The following DSCAM variants were observed in gnomAD, a reference collection of about 807,000 sequenced individuals.
The protein encoded by DSCAM is cell adhesion molecule DSCAM.
A neutral mutation model predicts 217.7 loss-of-function variants in DSCAM; 47 were observed. That is an observed-to-expected ratio of 0.22 (90% confidence interval 0.17 to 0.28). DSCAM has a LOEUF of 0.28. Ranked by LOEUF, DSCAM falls within the 10% of genes least tolerant of loss-of-function variation. The pLI, the probability that DSCAM is intolerant of heterozygous loss-of-function variation, is 1.00. For missense variants in DSCAM, 2,080 were observed against 2,618.3 expected (o/e 0.79, Z 4.49); for synonymous variants, 1,056 against 1,015.3 (o/e 1.04, Z -0.76).
Position 40,623,678 on chromosome 21 carries a change from T to A in DSCAM, c.508+69132A>T, listed in dbSNP as rs570842371. On this transcript the variant is annotated intron_variant, in intron 3 of 32. Coordinates refer to ENST00000400454, the MANE Select transcript of DSCAM (RefSeq NM_001389.5). Reference sequence around the variant, plus strand: ...ACAAATCTGTGCAGAAGGGCTCACCTTTGAAAGAAAGGCCTCTACAAATTC... The same window carrying A: ...ACAAATCTGTGCAGAAGGGCTCACCATTGAAAGAAAGGCCTCTACAAATTC... Among the ~76,000 whole-genome samples the A allele has an allele frequency of 1.2e-3, 187 of 152,320 alleles. 3 individuals carry two copies. The Middle Eastern group carries it at 0.014, about 11-fold the overall frequency.
intron 9 of DSCAM, among the ~76,000 whole-genome samples, chr21:40,301,419 A>G (rs2074012650): frequency 1.3e-5 from 2 of 152,130 alleles, no homozygotes; most frequent in Admixed American, 1.3e-4. Context: ...CCCATCTATT[A>G]TCCAGTCCCC....
At chr21:40,321,559 C>G (rs934937500) in intron 8 of DSCAM, among the ~76,000 whole-genome samples, 2 of 151,596 alleles carry the variant, frequency 1.3e-5, no homozygotes. Flanking sequence ...TTTTTCCAAA[C>G]ACAGTACTAT....
chr21:40,375,680 T>C (rs1440915173), intron 3 of DSCAM, among the ~76,000 whole-genome samples: 1 of 152,242 alleles, frequency 6.6e-6, no homozygotes, highest in Non-Finnish European at 1.5e-5. Context: ...ACTCATTTTG[T>C]CTTGTTCAAC....
chr21:40,478,197 C>G (rs1027592080), intron 3 of DSCAM, among the ~76,000 whole-genome samples: 1 of 152,144 alleles, frequency 6.6e-6, no homozygotes. Flanking sequence ...TGTTCATTCT[C>G]ATTTCTTAGC....
At chr21:40,476,913 T>C (rs2145979026) in intron 3 of DSCAM, among the ~76,000 whole-genome samples, 1 of 152,348 alleles carries the variant, frequency 6.6e-6, no homozygotes, top group Non-Finnish European at 1.5e-5. Context: ...TTTCTCACCT[T>C]AGTCCTGTGA....
intron 11 of DSCAM, among the ~76,000 whole-genome samples, chr21:40,219,948 TC>T (rs771147961): frequency 3.3e-5 from 5 of 152,186 alleles, no homozygotes; most frequent in Non-Finnish European, 5.9e-5. Context: ...ATTCTATACT[TC>T]CATAAAAGAT....
chr21:40,484,921 C>G (rs541468891), intron 3 of DSCAM, among the ~76,000 whole-genome samples: 2 of 152,300 alleles, frequency 1.3e-5, no homozygotes, highest in East Asian at 3.9e-4. Context: ...CAGTCCCAGC[C>G]TGTAGCTTCC....
At chr21:40,124,465 C>G (rs1378583688) in intron 19 of DSCAM, 137 bp from the exon 20 acceptor site, 14 of 1,083,586 alleles carry the variant, frequency 1.3e-5, no homozygotes, top group Non-Finnish European at 1.7e-5. Flanking sequence ...CTGTGTCCCC[C>G]CAAATGCATA....
At chr21:40,578,118 C>G (rs1568917538) in intron 3 of DSCAM, among the ~76,000 whole-genome samples, 1 of 152,160 alleles carries the variant, frequency 6.6e-6, no homozygotes, top group African/African-American at 2.4e-5. Flanking sequence ...TATATAGGAA[C>G]AGAAGAACCC....
intron 3 of DSCAM, among the ~76,000 whole-genome samples, chr21:40,425,616 C>G (rs1171734518): frequency 7.9e-6 from 1 of 127,132 alleles, no homozygotes; most frequent in Non-Finnish European, 1.6e-5. Context: ...GAGGCTGATA[C>G]AGGAGAATCG....
intron 3 of DSCAM, among the ~76,000 whole-genome samples, chr21:40,442,403 T>G (rs2145915392): frequency 6.6e-6 from 1 of 151,550 alleles, no homozygotes; most frequent in South Asian, 2.1e-4. Flanking sequence ...TAAATTTAAT[T>G]TTTTTATATT....
chr21:40,251,861 T>A (rs1878282387), intron 11 of DSCAM, among the ~76,000 whole-genome samples: 2 of 152,100 alleles, frequency 1.3e-5, no homozygotes, highest in Admixed American at 6.6e-5. Context: ...TTCTTTTTTT[T>A]AAAACAAAAC....
intron 3 of DSCAM, among the ~76,000 whole-genome samples, chr21:40,555,930 T>C (rs757546598): frequency 6.6e-6 from 1 of 152,156 alleles, no homozygotes; most frequent in Non-Finnish European, 1.5e-5. Context: ...TGAGCCACCA[T>C]ATACAGCTCA....
intron 3 of DSCAM, among the ~76,000 whole-genome samples, chr21:40,425,973 A>T (rs1042431524): frequency 6.6e-6 from 1 of 152,212 alleles, no homozygotes; most frequent in African/African-American, 2.4e-5. Context: ...ATGAAGCTAA[A>T]CTTTTCAGTA....
intron 3 of DSCAM, among the ~76,000 whole-genome samples, chr21:40,526,256 T>C (rs1284458381): frequency 6.6e-6 from 1 of 152,180 alleles, no homozygotes; most frequent in Non-Finnish European, 1.5e-5. Flanking sequence ...CTCTGAGCAC[T>C]TTGCAGAACT....
chr21:40,664,204 C>T (rs749234929), intron 3 of DSCAM, among the ~76,000 whole-genome samples: 7 of 152,108 alleles, frequency 4.6e-5, no homozygotes, highest in Non-Finnish European at 7.3e-5. Flanking sequence ...CCACTGGCAT[C>T]GCATATATAT....
At chr21:40,184,049 CA>C (rs2090868021) in intron 14 of DSCAM, among the ~76,000 whole-genome samples, 1 of 152,054 alleles carries the variant, frequency 6.6e-6, no homozygotes, top group Admixed American at 6.5e-5. Context: ...CAGTGGGGTG[CA>C]GATAGTAAAT....
intron 2 of DSCAM, among the ~76,000 whole-genome samples, chr21:40,697,619 C>A (rs892375553): frequency 3.9e-5 from 6 of 152,114 alleles, no homozygotes. Context: ...GTTCATGGTA[C>A]CTTTGTCAAA....
chr21:40,799,994 T>C (rs1185212944), intron 1 of DSCAM, among the ~76,000 whole-genome samples: 2 of 152,142 alleles, frequency 1.3e-5, no homozygotes, highest in African/African-American at 4.8e-5. Flanking sequence ...AGGTAATCCA[T>C]TTATTGATTA....
Sources: gnomAD v4.1 joint callset for allele counts (sites outside exome capture counted in the v4.1 genomes callset) on GRCh38, gnomAD v4.1.1 for gene constraint, MANE v1.5 for transcripts, NCBI Gene and HGNC (gene_info 2026-07-23, HGNC 2026-07-21) for gene names.